The following NLGN1 variants were observed in gnomAD, a reference collection of about 807,000 sequenced individuals.
The protein encoded by NLGN1 is neuroligin-1.
In NLGN1, 12 loss-of-function variants were observed where a neutral mutation model predicts 65.5. That is an observed-to-expected ratio of 0.18 (90% confidence interval 0.12 to 0.30). The LOEUF (loss-of-function observed/expected upper bound fraction) is 0.30. NLGN1 is among the 10% of genes least tolerant of loss of function. The pLI, the probability that NLGN1 is intolerant of heterozygous loss-of-function variation, is 1.00. For missense variants in NLGN1, 750 were observed against 1,007.1 expected (o/e 0.74, Z 3.46); for synonymous variants, 350 against 359.5 (o/e 0.97, Z 0.30).
At chr3:173,807,317 A>T (rs559770975) in intron 3 of NLGN1, among the ~76,000 whole-genome samples, 1 of 152,256 alleles carries the variant, frequency 6.6e-6, no homozygotes, top group Non-Finnish European at 1.5e-5. Context: ...ATGTCATGTG[A>T]AGTCTATCAT....
intron 3 of NLGN1, among the ~76,000 whole-genome samples, chr3:173,627,815 T>C (rs1211337055): frequency 6.6e-6 from 1 of 152,020 alleles, no homozygotes; most frequent in Non-Finnish European, 1.5e-5. Flanking sequence ...AGCAGCTGAC[T>C]GTATATTTCA....
intron 4 of NLGN1, among the ~76,000 whole-genome samples, chr3:173,841,294 G>A (rs11919077): frequency 0.13 from 19,373 of 151,924 alleles, 1,371 homozygotes; most frequent in African/African-American, 0.19. Context: ...GTAAAACTTC[G>A]TCTCATTTTT....
intron 3 of NLGN1, among the ~76,000 whole-genome samples, chr3:173,664,015 T>A (rs557456864): frequency 1.4e-3 from 206 of 152,130 alleles, no homozygotes; most frequent in African/African-American, 4.6e-3. Context: ...CAGCATGAGG[T>A]ATGCTGTCAT....
At chr3:174,035,721 C>T (rs291939) in intron 4 of NLGN1, among the ~76,000 whole-genome samples, 144,975 of 152,300 alleles carry the variant, frequency 0.95, 69,095 homozygotes, top group East Asian at 1. Context: ...TTCATGTTGC[C>T]GATCTGGCTG....
At chr3:174,204,764 A>G (rs1735095922) in intron 4 of NLGN1, among the ~76,000 whole-genome samples, 1 of 152,240 alleles carries the variant, frequency 6.6e-6, no homozygotes, top group South Asian at 2.1e-4. Context: ...AAAACAGCTT[A>G]GTATATTACC....
intron 4 of NLGN1, among the ~76,000 whole-genome samples, chr3:174,178,919 G>C (rs1008585053): frequency 3.9e-5 from 6 of 152,084 alleles, no homozygotes; most frequent in Admixed American, 6.6e-5. Context: ...TAGGAGGTCA[G>C]TGACTTTCTC....
At chr3:173,430,546 G>T (rs1716986837) in intron 1 of NLGN1, among the ~76,000 whole-genome samples, 1 of 152,176 alleles carries the variant, frequency 6.6e-6, no homozygotes, top group Non-Finnish European at 1.5e-5. Flanking sequence ...TGATTAAGGT[G>T]GTATCTGCCA....
intron 4 of NLGN1, among the ~76,000 whole-genome samples, chr3:173,883,637 A>G (rs534296027): frequency 6.6e-6 from 1 of 152,192 alleles, no homozygotes; most frequent in South Asian, 2.1e-4. Flanking sequence ...GTATGCCTGT[A>G]TATTTATGGT....
intron 4 of NLGN1, among the ~76,000 whole-genome samples, chr3:174,252,164 G>C (rs1053126320): frequency 2.0e-5 from 3 of 152,090 alleles, no homozygotes; most frequent in African/African-American, 7.2e-5. Context: ...TATAAAACAG[G>C]CCTCACATAT....
chr3:174,161,663 A>C (rs1288847221), intron 4 of NLGN1, among the ~76,000 whole-genome samples: 2 of 151,900 alleles, frequency 1.3e-5, no homozygotes, highest in Admixed American at 1.3e-4. Flanking sequence ...GTAAGGAAGA[A>C]AGGTTAGTCA....
At position 174,279,658 on chromosome 3, in the gene NLGN1, C is replaced by G. The variant is rs761252599; in HGVS notation, c.1649+8C>G. 1.3e-6 allele frequency: 2 copies of G among 1,500,056 alleles called. No individual in the cohort carries two copies. The highest frequency in any genetic ancestry group is 1.8e-6 in the Non-Finnish European group (2 of 1,099,122). The allele number at this position is 1,500,056 out of a possible 1,614,324, so 92.9% of individuals were successfully genotyped here. A position where few individuals can be genotyped will look rare whatever the true frequency, so the allele number is the denominator to read the frequency against. The stretch of plus-strand genomic sequence containing the variant: ...AAATTTTGCTAAAACTGGGTATGTA[C>G]CTAAGGAATGAAGTTTATTTTTAAT... On this transcript the variant is annotated splice_region_variant and intron_variant, in intron 6 of 6. Transcript: ENST00000457714. The surrounding 1 kb of genome is among the most constrained non-coding windows in gnomAD (Gnocchi z 4.7).
chr3:174,277,449 G>A (rs1032250192), intron 5 of NLGN1, among the ~76,000 whole-genome samples: 5 of 151,494 alleles, frequency 3.3e-5, no homozygotes, highest in East Asian at 1.9e-4. Context: ...AATCTTTTTC[G>A]GTATATTTAG....
intron 4 of NLGN1, among the ~76,000 whole-genome samples, chr3:174,221,615 T>C (rs887212894): frequency 2.0e-5 from 3 of 151,798 alleles, no homozygotes; most frequent in Non-Finnish European, 4.4e-5. Context: ...TTTTTTTTTT[T>C]CTAAAAACTG....
intron 3 of NLGN1, among the ~76,000 whole-genome samples, chr3:173,699,082 C>A (rs1191207358): frequency 1.3e-5 from 2 of 152,062 alleles, no homozygotes; most frequent in East Asian, 3.9e-4. Context: ...TCTCAAATTC[C>A]CGACCACAGG....
At chr3:173,582,709 T>C (rs948537934) in intron 2 of NLGN1, among the ~76,000 whole-genome samples, 2 of 152,142 alleles carry the variant, frequency 1.3e-5, no homozygotes, top group African/African-American at 4.8e-5. Context: ...TTATATGCAT[T>C]GCAAATATCT....
chr3:173,749,294 A>G (rs188987117), intron 3 of NLGN1, among the ~76,000 whole-genome samples: 5 of 152,180 alleles, frequency 3.3e-5, no homozygotes, highest in Admixed American at 6.6e-5. Context: ...TTTTATGATC[A>G]AATAGTTCAG....
chr3:173,423,015 G>A (rs1312683937), intron 1 of NLGN1, among the ~76,000 whole-genome samples: 2 of 152,124 alleles, frequency 1.3e-5, no homozygotes, highest in African/African-American at 4.8e-5. Context: ...CTGCATGGCT[G>A]GGGAGGCCTC....
chr3:174,053,909 A>G (rs1347048444), intron 4 of NLGN1, among the ~76,000 whole-genome samples: 1 of 151,984 alleles, frequency 6.6e-6, no homozygotes, highest in Non-Finnish European at 1.5e-5. Context: ...GAAATTTTCA[A>G]TATAAGGATT....
chr3:173,742,981 A>C (rs916824575), intron 3 of NLGN1, among the ~76,000 whole-genome samples: 2 of 152,108 alleles, frequency 1.3e-5, no homozygotes, highest in Non-Finnish European at 2.9e-5. Context: ...CATAATCTTC[A>C]ATATAGAGAT....
Sources: allele counts gnomAD v4.1 joint callset (sites outside exome capture counted in the v4.1 genomes callset), GRCh38; gene constraint gnomAD v4.1.1; non-coding constraint Gnocchi (gnomAD v3.1); transcripts MANE v1.5; gene names NCBI Gene and HGNC (gene_info 2026-07-23, HGNC 2026-07-21).